Variants in VGLL4 observed in about 807,000 individuals in gnomAD.
VGLL4 encodes the protein transcription cofactor vestigial-like protein 4.
Under a neutral mutation model 21.0 loss-of-function variants are expected in VGLL4, and 7 were observed. The observed-to-expected ratio is 0.33, with a 90% CI of 0.19 to 0.63. The LOEUF is 0.63. Ranked by LOEUF, VGLL4 falls within the 20% of genes least tolerant of loss-of-function variation. The probability of loss-of-function intolerance (pLI) is 0.78; values close to 1 mark genes in which losing one functional copy is unlikely to be tolerated. For synonymous variants in VGLL4, 222 were observed against 173.2 expected (o/e 1.28, Z -2.21); for missense variants, 394 against 425.7 (o/e 0.93, Z 0.66).
chr3:11,690,197 TTTTG>T (rs2076507482), intron 2 of VGLL4, among the ~76,000 whole-genome samples: 2 of 152,232 alleles, frequency 1.3e-5, no homozygotes, highest in Admixed American at 1.3e-4. Context: ...GTTACAATTG[TTTTG>T]TTTTTGTTTT....
chr3:11,562,728 G>A (rs1238608116), intron 3 of VGLL4, among the ~76,000 whole-genome samples: 2 of 152,254 alleles, frequency 1.3e-5, no homozygotes, highest in Non-Finnish European at 2.9e-5. Context: ...ACGGCAAGGA[G>A]GGCAGGACTG....
intron 2 of VGLL4, among the ~76,000 whole-genome samples, chr3:11,600,719 C>G (rs1575437708): frequency 2.6e-5 from 4 of 152,166 alleles, no homozygotes. Context: ...GGGAGCTGGG[C>G]CACCTCTCTG....
chr3:11,576,960 G>C (rs2074069058), intron 2 of VGLL4, among the ~76,000 whole-genome samples: 2 of 152,258 alleles, frequency 1.3e-5, no homozygotes, highest in Non-Finnish European at 2.9e-5. Flanking sequence ...TCACTGTCTA[G>C]AACAGGGCCT....
At chr3:11,573,252 AAAGAAAGAAAGAAAG>A in intron 2 of VGLL4, among the ~76,000 whole-genome samples, 1 of 35,672 alleles carries the variant, frequency 2.8e-5, no homozygotes, top group East Asian at 8.2e-4. Flanking sequence ...ATAGAGAAAG[AAAGAAAGAAAGAAAG>A]AAAGAAAGAA....
chr3:11,575,550 CG>C (rs1318133196), intron 2 of VGLL4, among the ~76,000 whole-genome samples: 3 of 152,176 alleles, frequency 2.0e-5, no homozygotes, highest in Admixed American at 6.5e-5. Flanking sequence ...GTGCAAGGGA[CG>C]GAAGACACTT....
At chr3:11,706,492 CTAAA>C (rs1474983111) in intron 1 of VGLL4, among the ~76,000 whole-genome samples, 1 of 152,176 alleles carries the variant, frequency 6.6e-6, no homozygotes, top group East Asian at 1.9e-4. Flanking sequence ...TAAACAAAGA[CTAAA>C]TATTATTTAA....
chr3:11,718,430 G>T (rs1352280177), intron 1 of VGLL4, among the ~76,000 whole-genome samples: 2 of 151,948 alleles, frequency 1.3e-5, no homozygotes, highest in Non-Finnish European at 2.9e-5. Flanking sequence ...GACCCCAAAG[G>T]TCTCCTTAAA....
Position 11,565,763 on chromosome 3 carries a change from G to A in VGLL4, c.273-744C>T, listed in dbSNP as rs1303599987. On this transcript the variant is annotated intron_variant, in intron 2 of 4. Transcript: ENST00000430365. This position sits in a 1 kb window ranked among gnomAD's most constrained non-coding sequence, Gnocchi z 4.1. ...TGCCACGTGGAATCCAGGTGAGACA[G>A]TCAGCACCACCTCCATCTGATGTGT... Among the ~76,000 whole-genome samples, 1 of 152,224 alleles carries A rather than the reference G, an allele frequency of 6.6e-6. No homozygotes were observed. The highest frequency in any genetic ancestry group is 6.5e-5 in the Admixed American group (1 of 15,286).
intron 3 of VGLL4, among the ~76,000 whole-genome samples, chr3:11,563,955 G>A (rs981396433): frequency 6.6e-6 from 1 of 152,168 alleles, no homozygotes; most frequent in African/African-American, 2.4e-5. Flanking sequence ...TTGGAGGGAA[G>A]CCCCGGTGAG....
chr3:11,568,132 G>C lies in VGLL4; in HGVS notation c.273-3113C>G, dbSNP rs1024339308. ...CTCCCAAGTGACAGCTCTGGATCCGGGCAAGGATAAAGACACCCCCGGGTG... is the reference window on the plus strand; with the variant it reads ...CTCCCAAGTGACAGCTCTGGATCCGCGCAAGGATAAAGACACCCCCGGGTG... On this transcript the variant is annotated intron_variant, in intron 2 of 4. Coordinates refer to ENST00000430365, the MANE Select transcript of VGLL4 (RefSeq NM_001128219.3). The surrounding 1 kb of genome is among the most constrained non-coding windows in gnomAD (Gnocchi z 5.9). Among the ~76,000 whole-genome samples, 7 of 152,192 alleles carry C rather than the reference G, an allele frequency of 4.6e-5. No individual in the cohort carries two copies. The highest frequency in any genetic ancestry group is 1.7e-4 in the African/African-American group (7 of 41,442).
chr3:11,681,076 C>A (rs2076361787), intron 2 of VGLL4, among the ~76,000 whole-genome samples: 1 of 152,024 alleles, frequency 6.6e-6, no homozygotes, highest in Non-Finnish European at 1.5e-5. Context: ...TAAATACATT[C>A]CAAATCATAT....
intron 2 of VGLL4, among the ~76,000 whole-genome samples, chr3:11,654,221 G>A (rs556242160): frequency 2.0e-5 from 3 of 152,298 alleles, no homozygotes; most frequent in East Asian, 3.9e-4. Context: ...CAGCACAAGA[G>A]GTCAATGTCC....
In VGLL4 at chr3:11,577,662, G is replaced by GT. The variant is rs1172928371; in HGVS notation, c.273-12644dup. 3.9e-5 allele frequency among the ~76,000 whole-genome samples: 6 copies of GT among 152,158 alleles called. No individual in the cohort carries two copies. In the East Asian group the frequency reaches 1.2e-3, roughly 29 times the overall value. ...CAGGAGAACACTTCACACTAAAATG[G>GT]TTTTAACAGGAGAGAGATGTGGAAT... On this transcript the variant is annotated intron_variant, in intron 2 of 4. Transcript: ENST00000430365.
At chr3:11,636,175 C>T (rs1399406404) in intron 1 of VGLL4, among the ~76,000 whole-genome samples, 1 of 152,174 alleles carries the variant, frequency 6.6e-6, no homozygotes, top group Non-Finnish European at 1.5e-5. Flanking sequence ...CAGAAACTTG[C>T]ACTCATCACT....
intron 1 of VGLL4, among the ~76,000 whole-genome samples, chr3:11,617,880 G>A (rs1388095296): frequency 6.6e-6 from 1 of 152,202 alleles, no homozygotes; most frequent in Non-Finnish European, 1.5e-5. Context: ...ACTGTCAGGT[G>A]ACGTTTTTAT....
intron 2 of VGLL4, among the ~76,000 whole-genome samples, chr3:11,599,783 G>A (rs73025157): frequency 0.11 from 15,960 of 149,664 alleles, 1,119 homozygotes; most frequent in East Asian, 0.25. Context: ...GCCTCCCAAA[G>A]TGCCAGGATT....
intron 1 of VGLL4, among the ~76,000 whole-genome samples, chr3:11,707,800 A>G (rs2076784005): frequency 6.6e-6 from 1 of 152,210 alleles, no homozygotes; most frequent in African/African-American, 2.4e-5. Flanking sequence ...TCGATGCTGC[A>G]GTGAGCTATG....
At chr3:11,586,265 G>C (rs1156479799) in intron 2 of VGLL4, among the ~76,000 whole-genome samples, 2 of 152,192 alleles carry the variant, frequency 1.3e-5, no homozygotes, top group Non-Finnish European at 2.9e-5. Context: ...TGCAGGGAAG[G>C]GTATGTGAGT....
chr3:11,568,068 C>T lies in VGLL4; in HGVS notation c.273-3049G>A, dbSNP rs990621651. 4.6e-5 allele frequency among the ~76,000 whole-genome samples: 7 copies of T among 152,214 alleles called. No homozygotes were observed. The highest frequency in any genetic ancestry group is 7.3e-5 in the Non-Finnish European group (5 of 68,038). ...ACAGCCCTGCCTTCTCATGGGCTTA[C>T]AATCTAGCAGGGACAGAAAGGCCCG... On this transcript the variant is annotated intron_variant, in intron 2 of 4. Transcript: ENST00000430365. The surrounding 1 kb of genome is among the most constrained non-coding windows in gnomAD (Gnocchi z 5.9).
Sources: gnomAD v4.1 joint callset for allele counts (sites outside exome capture counted in the v4.1 genomes callset) on GRCh38, gnomAD v4.1.1 for gene constraint, Gnocchi (gnomAD v3.1) non-coding constraint, MANE v1.5 for transcripts, NCBI Gene and HGNC (gene_info 2026-07-23, HGNC 2026-07-21) for gene names.